Variants in GPC6 observed in about 807,000 individuals in gnomAD.
GPC6 encodes glypican 6, also known as glypican-6.
GPC6 carries 14 observed loss-of-function variants against 55.2 expected under a neutral mutation model. The observed-to-expected ratio is 0.25, with a 90% CI of 0.17 to 0.40. GPC6 has a LOEUF of 0.40. Ranked by LOEUF, GPC6 falls within the 10% of genes least tolerant of loss-of-function variation. GPC6 has a pLI of 1.00. For synonymous variants in GPC6, 278 were observed against 259.6 expected (o/e 1.07, Z -0.68); for missense variants, 641 against 708.5 (o/e 0.90, Z 1.08).
intron 4 of GPC6, among the ~76,000 whole-genome samples, chr13:94,074,572 T>C (rs959666403): frequency 2.0e-5 from 3 of 152,182 alleles, no homozygotes; most frequent in African/African-American, 7.2e-5. Context: ...ACCCATGACT[T>C]CAGATAGAAA....
chr13:94,384,685 T>A (rs1448980281), intron 7 of GPC6, among the ~76,000 whole-genome samples: 1 of 152,176 alleles, frequency 6.6e-6, no homozygotes, highest in Non-Finnish European at 1.5e-5. Context: ...ATTGTGCAGA[T>A]TAAGAACTCA....
intron 2 of GPC6, among the ~76,000 whole-genome samples, chr13:93,610,754 T>C (rs1415666754): frequency 6.6e-6 from 1 of 152,170 alleles, no homozygotes; most frequent in Non-Finnish European, 1.5e-5. Flanking sequence ...TTACCTTGGC[T>C]ATGGATAATG....
Position 94,403,015 on chromosome 13 carries a change from G to A in GPC6, c.1466G>A (p.Ser489Asn), listed in dbSNP as rs1401371941. 1 of 1,604,354 alleles carries A rather than the reference G, an allele frequency of 6.2e-7. No individual in the cohort carries two copies. The highest frequency in any genetic ancestry group is 1.7e-5 in the Admixed American group (1 of 60,008). The change falls in exon 9 of 9, where the codon AGT becomes AAT. Residue 489 changes from serine (S) to asparagine (N), a missense_variant and splice_region_variant. Transcript: ENST00000377047. ...TTCTTTTTCAATCTTTCCACACTAG[G>A]TGATGAATCCAGTGGCTCAGGGAGT... ...NGNDVNFQDT[S>N]DESSGSGSGS... is the part of the protein sequence containing the mutation.
chr13:93,230,576 T>C (rs975662340), intron 1 of GPC6, among the ~76,000 whole-genome samples: 4 of 152,188 alleles, frequency 2.6e-5, no homozygotes, highest in African/African-American at 9.6e-5. Context: ...TCTTGTGGTA[T>C]AGAAATGTTT....
chr13:93,842,253 G>T (rs1244290159), intron 3 of GPC6, among the ~76,000 whole-genome samples: 1 of 152,138 alleles, frequency 6.6e-6, no homozygotes, highest in Admixed American at 6.6e-5. Flanking sequence ...CAGAGGCTCA[G>T]CCAAGGAGAA....
chr13:94,332,420 G>A (rs781527123), intron 6 of GPC6, among the ~76,000 whole-genome samples: 1 of 152,148 alleles, frequency 6.6e-6, no homozygotes, highest in African/African-American at 2.4e-5. Flanking sequence ...AGCAGTCTTG[G>A]GTCTGACGGA....
chr13:94,039,062 G>T (rs1229840334), intron 4 of GPC6, among the ~76,000 whole-genome samples: 1 of 151,924 alleles, frequency 6.6e-6, no homozygotes, highest in Admixed American at 6.6e-5. Context: ...TGACACCAGG[G>T]GGGGAAAAAC....
intron 1 of GPC6, among the ~76,000 whole-genome samples, chr13:93,317,125 T>C (rs7320857): frequency 0.59 from 89,661 of 151,558 alleles, 26,695 homozygotes; most frequent in East Asian, 0.77. Context: ...ATTGGCTGAC[T>C]TTTAACACAC....
At chr13:93,261,925 T>TACACACACAC (rs34841808) in intron 1 of GPC6, among the ~76,000 whole-genome samples, 5 of 144,518 alleles carry the variant, frequency 3.5e-5, no homozygotes, top group South Asian at 2.3e-4. Flanking sequence ...TCTCTCCCTC[T>TACACACACAC]ACACACACAC....
chr13:93,246,472 C>T (rs1008351509), intron 1 of GPC6, among the ~76,000 whole-genome samples: 9 of 151,808 alleles, frequency 5.9e-5, no homozygotes. Context: ...AAAGAAAACA[C>T]CTTGAAGTGT....
chr13:94,287,150 G>A (rs1759830658), intron 5 of GPC6, among the ~76,000 whole-genome samples: 1 of 152,152 alleles, frequency 6.6e-6, no homozygotes, highest in Non-Finnish European at 1.5e-5. Flanking sequence ...AAATTGAGAA[G>A]TTTGCAGTGG....
intron 4 of GPC6, among the ~76,000 whole-genome samples, chr13:94,168,123 G>A (rs912774408): frequency 6.6e-6 from 1 of 152,212 alleles, no homozygotes; most frequent in Non-Finnish European, 1.5e-5. Flanking sequence ...TAAGTGATTT[G>A]ACCAAGACAA....
chr13:93,342,470 TACTC>T (rs1318773469), intron 1 of GPC6, among the ~76,000 whole-genome samples: 1 of 152,024 alleles, frequency 6.6e-6, no homozygotes, highest in African/African-American at 2.4e-5. Context: ...TCATAAGACT[TACTC>T]ACTATCATGA....
At chr13:93,463,745 C>CT (rs35894535) in intron 1 of GPC6, among the ~76,000 whole-genome samples, 30,514 of 148,290 alleles carry the variant, frequency 0.21, 3,094 homozygotes, top group Middle Eastern at 0.28. Flanking sequence ...AATGGCTCCA[C>CT]TTTTTTTTTT....
At chr13:94,341,930 G>A (rs997267313) in intron 6 of GPC6, among the ~76,000 whole-genome samples, 28 of 152,146 alleles carry the variant, frequency 1.8e-4, no homozygotes, top group Non-Finnish European at 3.4e-4. Flanking sequence ...GGAAATATCT[G>A]GGAATTAGTA....
chr13:93,278,235 TAGAG>T (rs1355238604), intron 1 of GPC6, among the ~76,000 whole-genome samples: 4 of 152,130 alleles, frequency 2.6e-5, no homozygotes, highest in Non-Finnish European at 5.9e-5. Context: ...GTGAGCTGAA[TAGAG>T]ATTTTTTTTT....
chr13:93,969,118 T>A (rs1297863962), intron 3 of GPC6, among the ~76,000 whole-genome samples: 1 of 152,170 alleles, frequency 6.6e-6, no homozygotes, highest in Non-Finnish European at 1.5e-5. Context: ...AATAAAAATG[T>A]GATACACACT....
intron 7 of GPC6, among the ~76,000 whole-genome samples, chr13:94,387,862 G>C (rs1292495340): frequency 6.6e-6 from 1 of 152,018 alleles, no homozygotes; most frequent in African/African-American, 2.4e-5. Flanking sequence ...GGACACCATG[G>C]TCCCAAGAAT....
intron 1 of GPC6, among the ~76,000 whole-genome samples, chr13:93,365,050 C>A (rs1192949564): frequency 6.6e-6 from 1 of 152,028 alleles, no homozygotes; most frequent in Non-Finnish European, 1.5e-5. Flanking sequence ...ATTTTTCTTT[C>A]TACCTCCACA....
Sources: allele counts gnomAD v4.1 joint callset (sites outside exome capture counted in the v4.1 genomes callset), GRCh38; gene constraint gnomAD v4.1.1; transcripts MANE v1.5; gene names NCBI Gene and HGNC (gene_info 2026-07-23, HGNC 2026-07-21).